NHS: variants seen among roughly 807,000 people sequenced by gnomAD.
NHS encodes the protein NHS actin remodeling regulator.
NHS carries 5 observed loss-of-function variants against 72.5 expected under a neutral mutation model. The ratio of observed to expected loss-of-function variants is 0.07; its 90% CI spans 0.04 to 0.14. The LOEUF (loss-of-function observed/expected upper bound fraction) is 0.14. Among genes scored for constraint, NHS ranks in the 10% least tolerant of loss-of-function variants. The pLI is 1.00. For missense variants in NHS, 1,072 were observed against 1,355.7 expected, an observed-to-expected ratio of 0.79 and a Z score of 3.29; for synonymous variants, 464 against 547.7, an observed-to-expected ratio of 0.85 and a Z score of 2.13.
chrX:17,376,138 C>T lies in NHS; in HGVS notation c.381C>T (p.Val127=), dbSNP rs1432129393. The change falls in exon 1 of 9, where the codon GTC becomes GTT. Residue 127 remains valine, a synonymous_variant. Coordinates refer to ENST00000676302, the MANE Select transcript of NHS (RefSeq NM_001291867.2). Reference sequence around the variant, plus strand: ...TGCTCATGCTGGACCTATGCGCGGTCAGCAACGCCGCTCTGGCCCGTGTCC... The same window carrying T: ...TGCTCATGCTGGACCTATGCGCGGTTAGCAACGCCGCTCTGGCCCGTGTCC... ...AVLLMLDLCA[V]SNAALARVLR... is the part of the protein sequence containing the mutation. The T allele has an allele frequency of 8.5e-7, 1 of 1,182,288 alleles. No homozygotes were observed. The highest frequency in any genetic ancestry group is 1.1e-6 in the Non-Finnish European group (1 of 886,568).
intron 1 of NHS, among the ~76,000 whole-genome samples, chrX:17,571,178 C>G (rs2061166515): frequency 8.9e-6 from 1 of 112,069 alleles, no homozygotes; most frequent in East Asian, 2.8e-4. Context: ...ATGATGCTGG[C>G]CTCATAAAAT....
At chrX:17,541,166 T>C (rs1386162957) in intron 1 of NHS, among the ~76,000 whole-genome samples, 1 of 112,327 alleles carries the variant, frequency 8.9e-6, no homozygotes, top group Non-Finnish European at 1.9e-5. Flanking sequence ...CACAATGCCA[T>C]GTGATAGACA....
In NHS at chrX:17,376,283, C is replaced by G; in HGVS notation, c.526C>G (p.Arg176Gly). 7 of 1,160,079 alleles carry G rather than the reference C, an allele frequency of 6.0e-6. No homozygotes were observed. The highest frequency in any genetic ancestry group is 8.0e-6 in the Non-Finnish European group (7 of 874,775). Residue 176 changes from arginine (R) to glycine (G), a missense_variant, in exon 1 of 9, where the codon CGC becomes GGC. Physicochemically the swap from Arg to Gly is moderately radical, Grantham distance 125. Coordinates refer to ENST00000676302, the MANE Select transcript of NHS (RefSeq NM_001291867.2). ...GCAGGGCAAGCTCGGCGGCGTGCAG[C>G]GCGTCCTCAGCACGCTTGACCCTAA... ...ALQGKLGGVQ[R>G]VLSTLDPKQE...
At chrX:17,400,601 AAGAG>A (rs981097982) in intron 1 of NHS, among the ~76,000 whole-genome samples, 10 of 111,065 alleles carry the variant, frequency 9.0e-5, no homozygotes, top group African/African-American at 3.3e-4. Context: ...GAAAAAAAAA[AAGAG>A]AGAGAATGAG....
At chrX:17,663,339 A>G (rs2065992311) in intron 1 of NHS, among the ~76,000 whole-genome samples, 1 of 111,674 alleles carries the variant, frequency 9.0e-6, no homozygotes, top group African/African-American at 3.3e-5. Context: ...CCAAAACAAG[A>G]TATAATGCAT....
Position 17,711,573 on chromosome X carries a change from G to GGA in NHS, c.853-7760_853-7759dup, listed in dbSNP as rs916585293. Among the ~76,000 whole-genome samples the GGA allele has an allele frequency of 3.0e-4, 33 of 111,806 alleles. No homozygotes were observed. The Admixed American group carries it at 3.1e-3, about 11-fold the overall frequency. ...TGTTCCATTCCAGCTGAGATCAAAA[G>GGA]GAGAGAGAGAGATGCTTTGCAGTCA... On this transcript the variant is annotated intron_variant, in intron 3 of 8. Transcript: ENST00000676302.
chrX:17,536,362 CAAACAAACAAA>C (rs1200445632), intron 1 of NHS, among the ~76,000 whole-genome samples: 2 of 111,577 alleles, frequency 1.8e-5, no homozygotes, highest in African/African-American at 3.2e-5. Context: ...CTCAAAAAAA[CAAACAAACAAA>C]AAACAAACAA....
At chrX:17,532,768 T>A (rs1214083688) in intron 1 of NHS, among the ~76,000 whole-genome samples, 1 of 111,627 alleles carries the variant, frequency 9.0e-6, no homozygotes, top group Admixed American at 9.5e-5. Flanking sequence ...GATTGATTCA[T>A]TTACATAGAA....
At chrX:17,417,675 G>A (rs775657702) in intron 1 of NHS, among the ~76,000 whole-genome samples, 2 of 112,161 alleles carry the variant, frequency 1.8e-5, no homozygotes, top group Non-Finnish European at 3.8e-5. Context: ...TTAATCATTG[G>A]CTTATCTGAG....
chrX:17,476,690 G>T, intron 1 of NHS, among the ~76,000 whole-genome samples: 1 of 111,810 alleles, frequency 8.9e-6, no homozygotes, highest in Middle Eastern at 4.6e-3. Context: ...CCTACAGAAG[G>T]ATTATCCCAC....
At chrX:17,464,415 G>T (rs2064862008) in intron 1 of NHS, among the ~76,000 whole-genome samples, 1 of 111,908 alleles carries the variant, frequency 8.9e-6, no homozygotes, top group Non-Finnish European at 1.9e-5. Flanking sequence ...CACTGGGAGG[G>T]TTTGCACCTA....
intron 1 of NHS, among the ~76,000 whole-genome samples, chrX:17,615,528 G>A (rs1005180456): frequency 9.2e-6 from 1 of 108,759 alleles, no homozygotes; most frequent in Non-Finnish European, 1.9e-5. Flanking sequence ...GATTACAGGC[G>A]TGAGCCACTG....
intron 1 of NHS, among the ~76,000 whole-genome samples, chrX:17,537,999 TGCTCAGC>T (rs2065237652): frequency 8.9e-6 from 1 of 112,125 alleles, no homozygotes; most frequent in Non-Finnish European, 1.9e-5. Flanking sequence ...GAGGGCTTCC[TGCTCAGC>T]CTGGCTGTGG....
Position 17,731,487 on chromosome X carries a change from C to G in NHS, c.4350-371C>G, listed in dbSNP as rs187884297. ...TCCTGACCTCAAGTGATCTGCCTAT[C>G]TCGGCCTACCAAAGTGCTGGGATTA... On this transcript the variant is annotated intron_variant, in intron 8 of 8. Transcript: ENST00000676302. 2.2e-3 allele frequency among the ~76,000 whole-genome samples: 248 copies of G among 110,573 alleles called. 1 individual carries two copies. The highest frequency in any genetic ancestry group is 2.4e-3 in the Non-Finnish European group (128 of 52,903).
chrX:17,565,439 A>G (rs977816450), intron 1 of NHS, among the ~76,000 whole-genome samples: 1 of 112,582 alleles, frequency 8.9e-6, no homozygotes, highest in Admixed American at 9.4e-5. Context: ...AGATTTTGGA[A>G]TGGCTTGTTA....
chrX:17,673,856 T>A (rs1262595455), intron 1 of NHS, among the ~76,000 whole-genome samples: 1 of 112,443 alleles, frequency 8.9e-6, no homozygotes, highest in Non-Finnish European at 1.9e-5. Flanking sequence ...CATTTGCTGA[T>A]CCTATCCAGC....
At chrX:17,615,176 TATATATAGTATATATACAC>T (rs2065735404) in intron 1 of NHS, among the ~76,000 whole-genome samples, 1 of 40,195 alleles carries the variant, frequency 2.5e-5, no homozygotes, top group Non-Finnish European at 4.6e-5. Flanking sequence ...TATATACGTA[TATATATAGTATATATACAC>T]ATATATACGT....
chrX:17,541,918 G>T (rs745911098), intron 1 of NHS, among the ~76,000 whole-genome samples: 2 of 111,290 alleles, frequency 1.8e-5, no homozygotes, highest in South Asian at 7.6e-4. Flanking sequence ...TGCGACCTCA[G>T]TGGAACTTTG....
At chrX:17,599,880 A>T (rs1474321503) in intron 1 of NHS, among the ~76,000 whole-genome samples, 1 of 110,976 alleles carries the variant, frequency 9.0e-6, no homozygotes, top group Non-Finnish European at 1.9e-5. Context: ...TCCTATTTAA[A>T]TGTCCATTCT....
Sources: gnomAD v4.1 joint callset for allele counts (sites outside exome capture counted in the v4.1 genomes callset) on GRCh38, gnomAD v4.1.1 for gene constraint, MANE v1.5 for transcripts, NCBI Gene and HGNC (gene_info 2026-07-23, HGNC 2026-07-21) for gene names.